CCNH: variants seen among roughly 807,000 people sequenced by gnomAD.
CCNH encodes the protein cyclin-H.
In CCNH, 31 loss-of-function variants were observed where a neutral mutation model predicts 41.9. That is an observed-to-expected ratio of 0.74 (90% confidence interval 0.56 to 1.00). CCNH has a LOEUF of 1.00. CCNH is among the 50% of genes least tolerant of loss of function. CCNH has a pLI of 0.00. For missense variants in CCNH, 362 were observed against 388.4 expected (o/e 0.93, Z 0.57); for synonymous variants, 138 against 136.1 (o/e 1.01, Z -0.10).
the CCNH span, among the ~76,000 whole-genome samples, chr5:87,312,973 C>T: frequency 6.6e-6 from 1 of 152,192 alleles, no homozygotes; most frequent in South Asian, 2.1e-4. Context: ...GAAAATGATA[C>T]TTTCCCTGTT....
chr5:87,391,002 T>G (rs1196968777), downstream of CCNH: 18 of 1,003,970 alleles, frequency 1.8e-5, no homozygotes, highest in East Asian at 4.6e-4. Context: ...TCCAGTGATG[T>G]GTGAGCTATG....
At chr5:87,340,920 T>G (rs527528707) in intron 9 of CCNH, among the ~76,000 whole-genome samples, 1 of 152,218 alleles carries the variant, frequency 6.6e-6, no homozygotes, top group South Asian at 2.1e-4. Context: ...GGTAAACGAC[T>G]TCAGTTGCAG....
At chr5:87,362,945 A>G (rs1321293995) in intron 9 of CCNH, among the ~76,000 whole-genome samples, 1 of 149,750 alleles carries the variant, frequency 6.7e-6, no homozygotes, top group Admixed American at 6.7e-5. Context: ...CACATGGCAC[A>G]TTCATAATAT....
At chr5:87,380,174 A>G (rs1054693654), upstream of CCNH, among the ~76,000 whole-genome samples, 1 of 152,118 alleles carries the variant, frequency 6.6e-6, no homozygotes, top group Non-Finnish European at 1.5e-5. Flanking sequence ...CACTCTGTTA[A>G]TATGCTTGTC....
intron 9 of CCNH, among the ~76,000 whole-genome samples, chr5:87,333,684 A>T (rs1181165662): frequency 6.6e-6 from 1 of 152,210 alleles, no homozygotes; most frequent in Non-Finnish European, 1.5e-5. Flanking sequence ...CTTCTACTTT[A>T]TGTAATGGGT....
At chr5:87,321,027 A>T (rs1037817058) in intron 9 of CCNH, among the ~76,000 whole-genome samples, 2 of 152,220 alleles carry the variant, frequency 1.3e-5, no homozygotes, top group African/African-American at 4.8e-5. Flanking sequence ...GAAATGATTA[A>T]GCCTGTGGTT....
intron 9 of CCNH, among the ~76,000 whole-genome samples, chr5:87,346,051 A>G (rs561622554): frequency 6.6e-6 from 1 of 152,222 alleles, no homozygotes; most frequent in African/African-American, 2.4e-5. Context: ...GATGCCTTTT[A>G]TAATAATTTC....
At chr5:87,412,393 G>A in intron 1 of CCNH, 1 of 1,184,936 alleles carries the variant, frequency 8.4e-7, no homozygotes, top group East Asian at 4.3e-5. Flanking sequence ...CTCTTGACAA[G>A]TGAACGGCTC....
chr5:87,367,092 T>A lies in CCNH; in HGVS notation c.*90+25678A>T, dbSNP rs77139855. 5.6e-3 allele frequency among the ~76,000 whole-genome samples: 853 copies of A among 152,194 alleles called. 12 individuals are homozygous for A. Among genetic ancestry groups the A allele is most frequent in the African/African-American group, 0.02 (814 of 41,464 alleles). ...TTTTTCAAAGTATGCTACTTTATTA[T>A]TAACTATTTTTTTTAAAGTGCCTTC... is the stretch of plus-strand genomic sequence containing the variant. On this transcript the variant is annotated intron_variant and NMD_transcript_variant, in intron 9 of 9. Coordinates refer to the CCNH transcript ENST00000645953.
intron 9 of CCNH, among the ~76,000 whole-genome samples, chr5:87,360,281 C>T (rs1759986041): frequency 6.6e-6 from 1 of 152,110 alleles, no homozygotes; most frequent in South Asian, 2.1e-4. Flanking sequence ...CACGCGCCAC[C>T]ACGCCCAGCT....
At chr5:87,391,363 C>CAATG (rs1762502361), downstream of CCNH, 1 of 268,342 alleles carries the variant, frequency 3.7e-6, no homozygotes, top group African/African-American at 2.1e-5. Flanking sequence ...TTTGACTGTT[C>CAATG]AATGATTATT....
downstream of CCNH, chr5:87,372,334 A>T: frequency 1.4e-6 from 1 of 732,580 alleles, no homozygotes; most frequent in Non-Finnish European, 2.4e-6. Context: ...TAGCAGGAAA[A>T]CGTTACTTCT....
At chr5:87,387,705 C>A (rs1201955316), downstream of CCNH, among the ~76,000 whole-genome samples, 1 of 152,112 alleles carries the variant, frequency 6.6e-6, no homozygotes, top group African/African-American at 2.4e-5. Flanking sequence ...GCAAACAAAT[C>A]AGGAATGCCG....
chr5:87,410,973 TTTTC>T (rs1316666573), intron 2 of CCNH, among the ~76,000 whole-genome samples: 5 of 152,224 alleles, frequency 3.3e-5, no homozygotes, highest in Admixed American at 1.3e-4. Context: ...AATTTATTTT[TTTTC>T]TTTCTTTATG....
chr5:87,385,195 G>T (rs1580407282), intron 9 of CCNH: 1 of 768,356 alleles, frequency 1.3e-6, no homozygotes, highest in East Asian at 2.6e-5. Flanking sequence ...TGGAAGAATG[G>T]GTAGTAGTTT....
At chr5:87,371,335 A>T (rs1166540740), downstream of CCNH, among the ~76,000 whole-genome samples, 1 of 152,132 alleles carries the variant, frequency 6.6e-6, no homozygotes, top group Non-Finnish European at 1.5e-5. Context: ...ATATAAAGAC[A>T]GTCTCTAGAT....
At chr5:87,401,674 AT>A in intron 6 of CCNH, 27 bp downstream of exon 6, 1 of 1,395,732 alleles carries the variant, frequency 7.2e-7, no homozygotes, top group South Asian at 1.3e-5. Flanking sequence ...TGGAAGAAAC[AT>A]TTTGTAAAGT....
chr5:87,342,690 A>G (rs532243093), intron 9 of CCNH, among the ~76,000 whole-genome samples: 1 of 152,312 alleles, frequency 6.6e-6, no homozygotes, highest in Admixed American at 6.5e-5. Context: ...GGTGTTAGGG[A>G]AAACTGTGGG....
At chr5:87,345,619 TAAAGA>T (rs1472013613) in intron 9 of CCNH, among the ~76,000 whole-genome samples, 1 of 152,162 alleles carries the variant, frequency 6.6e-6, no homozygotes, top group Non-Finnish European at 1.5e-5. Context: ...GGAATGGTGT[TAAAGA>T]AAAGTTTACC....
Sources: gnomAD v4.1 joint callset for allele counts (sites outside exome capture counted in the v4.1 genomes callset) on GRCh38, gnomAD v4.1.1 for gene constraint, MANE v1.5 for transcripts, NCBI Gene and HGNC (gene_info 2026-07-23, HGNC 2026-07-21) for gene names.